PLEKHG1: variants seen among roughly 807,000 people sequenced by gnomAD.
PLEKHG1 encodes the protein pleckstrin homology and RhoGEF domain containing G1.
PLEKHG1 carries 44 observed loss-of-function variants against 100.8 expected under a neutral mutation model. That is an observed-to-expected ratio of 0.44 (90% CI 0.34 to 0.56). PLEKHG1 has a LOEUF of 0.56. Ranked by LOEUF, PLEKHG1 falls within the 20% of genes least tolerant of loss-of-function variation. The pLI is 0.01. For missense variants in PLEKHG1, 1,545 were observed against 1,720.9 expected (o/e 0.90, Z 1.81); for synonymous variants, 640 against 662.5 (o/e 0.97, Z 0.52).
At chr6:150,649,936 T>C (rs780198613) in intron 2 of PLEKHG1, among the ~76,000 whole-genome samples, 27 of 151,784 alleles carry the variant, frequency 1.8e-4, no homozygotes, top group South Asian at 4.2e-4. Context: ...GGCGTGAGCC[T>C]GGGAGGCGGA....
chr6:150,757,559 G>T (rs1459947070), intron 2 of PLEKHG1, among the ~76,000 whole-genome samples: 1 of 139,560 alleles, frequency 7.2e-6, no homozygotes, highest in Non-Finnish European at 1.5e-5. Context: ...GTGCACACAA[G>T]TATGTGTGTG....
chr6:150,710,090 T>G (rs1781191877), intron 3 of PLEKHG1, among the ~76,000 whole-genome samples: 1 of 152,226 alleles, frequency 6.6e-6, no homozygotes, highest in African/African-American at 2.4e-5. Context: ...TAGAGCAGCA[T>G]AATTCGTTAG....
At chr6:150,669,015 A>G (rs866996296) in intron 3 of PLEKHG1, among the ~76,000 whole-genome samples, 1 of 152,212 alleles carries the variant, frequency 6.6e-6, no homozygotes, top group East Asian at 1.9e-4. Flanking sequence ...ATTTATTTTT[A>G]AACAGTTTAA....
intron 1 of PLEKHG1, among the ~76,000 whole-genome samples, chr6:150,611,484 CT>C (rs1475390961): frequency 2.6e-5 from 4 of 152,182 alleles, no homozygotes; most frequent in Non-Finnish European, 5.9e-5. Context: ...GGGATGGATT[CT>C]GATGGCTTAC....
intron 4 of PLEKHG1, among the ~76,000 whole-genome samples, chr6:150,790,570 G>A (rs1785913055): frequency 6.6e-6 from 1 of 152,068 alleles, no homozygotes; most frequent in South Asian, 2.1e-4. Flanking sequence ...CTATTCCAAG[G>A]ATACACTTAA....
chr6:150,631,314 T>C (rs984231933), intron 1 of PLEKHG1, among the ~76,000 whole-genome samples: 15 of 152,222 alleles, frequency 9.9e-5, no homozygotes, highest in Non-Finnish European at 1.6e-4. Flanking sequence ...CCACCTTTTT[T>C]CCATCCAGCA....
At chr6:150,794,590 C>T (rs1017092528) in intron 4 of PLEKHG1, among the ~76,000 whole-genome samples, 2 of 152,064 alleles carry the variant, frequency 1.3e-5, no homozygotes, top group African/African-American at 4.8e-5. Flanking sequence ...TTGCTTGAAC[C>T]CAGGAGGCAG....
At chr6:150,646,904 C>A (rs1409440767) in intron 2 of PLEKHG1, among the ~76,000 whole-genome samples, 3 of 152,158 alleles carry the variant, frequency 2.0e-5, no homozygotes, top group African/African-American at 7.2e-5. Flanking sequence ...GGTAGATTTA[C>A]CCTTTTGGCA....
chr6:150,824,366 C>G (rs536859940), intron 14 of PLEKHG1, among the ~76,000 whole-genome samples: 2 of 152,296 alleles, frequency 1.3e-5, no homozygotes, highest in South Asian at 4.1e-4. Context: ...ATCATGGCTC[C>G]TTGTTTAATG....
intron 2 of PLEKHG1, among the ~76,000 whole-genome samples, chr6:150,649,736 G>A (rs1778639742): frequency 6.6e-6 from 1 of 151,528 alleles, no homozygotes; most frequent in Non-Finnish European, 1.5e-5. Context: ...AAATGGCCAG[G>A]CGCGGTGGCT....
chr6:150,649,276 T>C (rs1328814755), intron 2 of PLEKHG1, among the ~76,000 whole-genome samples: 1 of 152,200 alleles, frequency 6.6e-6, no homozygotes. Flanking sequence ...GTGGAGCTAA[T>C]TATAGTAAAG....
intron 3 of PLEKHG1, among the ~76,000 whole-genome samples, chr6:150,707,619 A>G (rs1015950289): frequency 6.6e-6 from 1 of 152,006 alleles, no homozygotes; most frequent in Non-Finnish European, 1.5e-5. Context: ...ACTCATGTTG[A>G]TCCCTTTTTA....
intron 3 of PLEKHG1, among the ~76,000 whole-genome samples, chr6:150,715,475 A>ATT (rs66661643): frequency 6.9e-6 from 1 of 145,182 alleles, no homozygotes; most frequent in African/African-American, 2.5e-5. Context: ...GTTCATCACT[A>ATT]TTTTTTTTCT....
At chr6:150,619,437 C>G (rs1043852711) in intron 1 of PLEKHG1, among the ~76,000 whole-genome samples, 1 of 152,206 alleles carries the variant, frequency 6.6e-6, no homozygotes, top group East Asian at 1.9e-4. Context: ...TCATCCAGCT[C>G]AGGAAACCAG....
At chr6:150,615,670 T>A (rs1777045116) in intron 1 of PLEKHG1, among the ~76,000 whole-genome samples, 1 of 151,970 alleles carries the variant, frequency 6.6e-6, no homozygotes, top group South Asian at 2.1e-4. Flanking sequence ...AGTGGCCGAG[T>A]CTACTAGAAA....
chr6:150,704,344 C>T (rs1430835945), intron 3 of PLEKHG1, among the ~76,000 whole-genome samples: 2 of 152,362 alleles, frequency 1.3e-5, no homozygotes, highest in South Asian at 4.1e-4. Context: ...CCTCTGAACT[C>T]AGAGACAAAA....
chr6:150,653,984 G>A lies in PLEKHG1; in HGVS notation c.-99+3198G>A, dbSNP rs373927360. Among the ~76,000 whole-genome samples the A allele has an allele frequency of 9.2e-5, 14 of 151,986 alleles. 1 individual carries two copies. The East Asian group carries it at 1.7e-3, about 19-fold the overall frequency. Reference sequence around the variant, plus strand: ...GCTTTGTAACATGACTAATTTATTCGGTACTACAAAAACTCCTAGATGGAT... The same window carrying A: ...GCTTTGTAACATGACTAATTTATTCAGTACTACAAAAACTCCTAGATGGAT... On this transcript the variant is annotated intron_variant, in intron 3 of 3. Coordinates refer to the PLEKHG1 transcript ENST00000367326.
chr6:150,717,949 A>T (rs113908592), upstream of PLEKHG1, among the ~76,000 whole-genome samples: 8 of 152,184 alleles, frequency 5.3e-5, no homozygotes, highest in Admixed American at 5.2e-4. Flanking sequence ...GTGGTGGTGC[A>T]CACCTGTAGT....
At chr6:150,817,054 C>T (rs921767810) in intron 10 of PLEKHG1, among the ~76,000 whole-genome samples, 4 of 152,234 alleles carry the variant, frequency 2.6e-5, no homozygotes, top group Non-Finnish European at 5.9e-5. Context: ...CCACCACTCA[C>T]CTCCTGCTGT....
Sources: gnomAD v4.1 joint callset for allele counts (sites outside exome capture counted in the v4.1 genomes callset) on GRCh38, gnomAD v4.1.1 for gene constraint, MANE v1.5 for transcripts, NCBI Gene and HGNC (gene_info 2026-07-23, HGNC 2026-07-21) for gene names.